The following RGS6 variants were observed in gnomAD, a reference collection of about 807,000 sequenced individuals.
The protein encoded by RGS6 is regulator of G protein signaling 6.
In RGS6, 30 loss-of-function variants were observed where a neutral mutation model predicts 78.5. The observed-to-expected ratio is 0.38, with a 90% CI of 0.29 to 0.52. The LOEUF is 0.52. Among genes scored for constraint, RGS6 ranks in the 20% least tolerant of loss-of-function variants. The pLI is 0.85. For missense variants in RGS6, 495 were observed against 609.7 expected, an observed-to-expected ratio of 0.81 and a Z score of 1.98; for synonymous variants, 206 against 206.0, an observed-to-expected ratio of 1.00 and a Z score of 0.00.
At chr14:72,244,980 A>T (rs1425793745) in intron 2 of RGS6, among the ~76,000 whole-genome samples, 1 of 152,068 alleles carries the variant, frequency 6.6e-6, no homozygotes, top group African/African-American at 2.4e-5. Context: ...ACCCACCACC[A>T]CACCCCACTA....
At position 72,354,020 on chromosome 14, in the gene RGS6, G is replaced by GCA. The variant is rs55728308; in HGVS notation, c.184+1838_184+1839dup. Among the ~76,000 whole-genome samples, 17 of 151,466 alleles carry GCA rather than the reference G, an allele frequency of 1.1e-4. 1 individual carries two copies. The highest frequency in any genetic ancestry group is 2.2e-4 in the African/African-American group (9 of 41,284). The stretch of plus-strand genomic sequence containing the variant: ...CAACAACAACAGAATTCATGGAACA[G>GCA]CACACACACACACGCACACACAGGG... On this transcript the variant is annotated intron_variant, in intron 3 of 17. Coordinates refer to ENST00000553525, the MANE Select transcript of RGS6 (RefSeq NM_001204424.2).
intron 2 of RGS6, among the ~76,000 whole-genome samples, chr14:72,122,129 C>G (rs1241153744): frequency 6.6e-6 from 1 of 152,192 alleles, no homozygotes; most frequent in African/African-American, 2.4e-5. Flanking sequence ...ACCACATCCT[C>G]AAGGCTGGGA....
rs191041630 is a variant in RGS6 at position 72,407,279 on chromosome 14, C to T, written c.185-47249C>T. Among the ~76,000 whole-genome samples, 3 of 152,316 alleles carry T rather than the reference C, an allele frequency of 2.0e-5. No individual in the cohort carries two copies. In the East Asian group the frequency reaches 5.8e-4, roughly 29 times the overall value. On this transcript the variant is annotated intron_variant, in intron 3 of 17. Transcript: ENST00000553525. ...TGCCTGTGCTGAGCTGCATGATCCT[C>T]ATAGCTACATCATAGTCTTTGCTTG...
At chr14:72,370,584 G>A (rs1273274279) in intron 3 of RGS6, among the ~76,000 whole-genome samples, 1 of 152,072 alleles carries the variant, frequency 6.6e-6, no homozygotes, top group Non-Finnish European at 1.5e-5. Context: ...CATGTGTTAG[G>A]CCTAAAAATG....
At chr14:72,267,300 A>G (rs115329032) in intron 2 of RGS6, among the ~76,000 whole-genome samples, 2 of 152,204 alleles carry the variant, frequency 1.3e-5, no homozygotes, top group African/African-American at 4.8e-5. Context: ...AAAGAATAAT[A>G]TTTCATGATA....
At chr14:72,629,511 C>T in the RGS6 span, 5 of 1,019,854 alleles carry the variant, frequency 4.9e-6, no homozygotes, top group African/African-American at 8.0e-5. Context: ...TCCCAAGTGC[C>T]AGGGTAACAG....
At chr14:72,614,529 T>C in the RGS6 span, among the ~76,000 whole-genome samples, 3 of 152,034 alleles carry the variant, frequency 2.0e-5, no homozygotes, top group Admixed American at 6.5e-5. Context: ...CTGACCCCTC[T>C]GGTAGCAGTG....
At chr14:72,455,544 T>C (rs2095608348) in intron 4 of RGS6, among the ~76,000 whole-genome samples, 1 of 152,246 alleles carries the variant, frequency 6.6e-6, no homozygotes, top group African/African-American at 2.4e-5. Flanking sequence ...AGTTCAATTA[T>C]ATACAGTTGT....
chr14:72,344,094 G>A lies in RGS6; in HGVS notation c.85-8001G>A, dbSNP rs577865473. On this transcript the variant is annotated intron_variant, in intron 2 of 17. Transcript: ENST00000553525. ...TGCCTTCTAAAGCTTGGCTATTCCA[G>A]CCAAGCTCAGGGGAAAGACATTTTC... Among the ~76,000 whole-genome samples the A allele has an allele frequency of 3.2e-4, 48 of 152,290 alleles. 1 individual carries two copies. The highest frequency in any genetic ancestry group is 1.1e-3 in the African/African-American group (47 of 41,558).
chr14:72,009,328 A>G (rs1045425549), intron 2 of RGS6, among the ~76,000 whole-genome samples: 1 of 152,174 alleles, frequency 6.6e-6, no homozygotes, highest in Admixed American at 6.5e-5. Flanking sequence ...CGCCTAGGTG[A>G]CAGAGTGAGA....
At chr14:72,164,994 G>A (rs2096904814) in intron 2 of RGS6, among the ~76,000 whole-genome samples, 1 of 152,186 alleles carries the variant, frequency 6.6e-6, no homozygotes, top group Non-Finnish European at 1.5e-5. Context: ...AGTCAGGGTG[G>A]AGGTGAGACC....
intron 3 of RGS6, among the ~76,000 whole-genome samples, chr14:72,438,815 C>T (rs1322928908): frequency 6.6e-6 from 1 of 152,226 alleles, no homozygotes; most frequent in East Asian, 1.9e-4. Context: ...GACCCCTTAC[C>T]ACTTGAAGCC....
At chr14:72,046,203 GGT>G (rs1053710551) in intron 2 of RGS6, among the ~76,000 whole-genome samples, 1 of 133,150 alleles carries the variant, frequency 7.5e-6, no homozygotes, top group African/African-American at 2.7e-5. Context: ...TTCATTGTTG[GGT>G]TTTTTTTTTT....
At chr14:72,502,047 GAA>G (rs2096733787) in intron 13 of RGS6, among the ~76,000 whole-genome samples, 1 of 152,290 alleles carries the variant, frequency 6.6e-6, no homozygotes, top group Middle Eastern at 3.4e-3. Flanking sequence ...AAGGCCAGAT[GAA>G]AAGAGAGGGA....
intron 1 of RGS6, chr14:71,933,434 T>A (rs1230125654): frequency 1.3e-5 from 2 of 152,032 alleles, no homozygotes; most frequent in Admixed American, 1.3e-4. Context: ...GTGGGGAGGT[T>A]TGTTGTTTGG....
intron 2 of RGS6, among the ~76,000 whole-genome samples, chr14:72,100,802 A>G (rs1201273643): frequency 6.6e-6 from 1 of 152,192 alleles, no homozygotes; most frequent in East Asian, 1.9e-4. Context: ...TAATGTTTGA[A>G]TTTCATCTCC....
intron 2 of RGS6, among the ~76,000 whole-genome samples, chr14:71,991,983 T>C (rs10130235): frequency 0.032 from 4,913 of 151,640 alleles, 264 homozygotes; most frequent in African/African-American, 0.11. Flanking sequence ...ATTTGGCCCA[T>C]GGGTGGGGCT....
chr14:72,572,996 G>A, the RGS6 span, among the ~76,000 whole-genome samples: 17 of 152,074 alleles, frequency 1.1e-4, no homozygotes, highest in South Asian at 1.2e-3. Flanking sequence ...CCTGTTTTTC[G>A]AAGTCACCAA....
rs897617762 is a variant in RGS6, at chr14:72,459,542, G to C, written c.343-90G>C. 4.2e-6 allele frequency: 5 copies of C among 1,196,396 alleles called. No individual in the cohort carries two copies. In the African/African-American group the frequency reaches 6.0e-5, roughly 14 times the overall value. The allele number at this position is 1,196,396 out of a possible 1,614,324, so 74.1% of individuals were successfully genotyped here. A position where few individuals can be genotyped will look rare whatever the true frequency, so the allele number is the denominator to read the frequency against. On this transcript the variant is annotated intron_variant, in intron 5 of 17. Transcript: ENST00000553525. ...ATCAGCAAGAAGGAGATGGGGGAGA[G>C]CCTGCCATCAGGGAGGCTCCTCCCT...
Sources: allele counts gnomAD v4.1 joint callset (sites outside exome capture counted in the v4.1 genomes callset), GRCh38; gene constraint gnomAD v4.1.1; transcripts MANE v1.5; gene names NCBI Gene and HGNC (gene_info 2026-07-23, HGNC 2026-07-21).